The following IL1RAPL1 variants were observed in gnomAD, a reference collection of about 807,000 sequenced individuals.
IL1RAPL1 encodes interleukin 1 receptor accessory protein like 1, also known as interleukin-1 receptor accessory protein-like 1.
Under a neutral mutation model 48.4 loss-of-function variants are expected in IL1RAPL1, and 3 were observed. That is an observed-to-expected ratio of 0.06 (90% CI 0.03 to 0.16). IL1RAPL1 has a LOEUF of 0.16. Ranked by LOEUF, IL1RAPL1 falls within the 10% of genes least tolerant of loss-of-function variation. The pLI is 1.00. For missense variants in IL1RAPL1, 349 were observed against 530.6 expected (o/e 0.66, Z 3.36); for synonymous variants, 185 against 187.7 (o/e 0.99, Z 0.12).
chrX:28,946,560 T>C (rs949265344), intron 2 of IL1RAPL1, among the ~76,000 whole-genome samples: 1 of 111,533 alleles, frequency 9.0e-6, no homozygotes, highest in Non-Finnish European at 1.9e-5. Flanking sequence ...AAATGAGCCA[T>C]AATTATTAAA....
At chrX:29,655,651 C>CAA (rs746998144) in intron 5 of IL1RAPL1, among the ~76,000 whole-genome samples, 43 of 26,660 alleles carry the variant, frequency 1.6e-3, no homozygotes, top group East Asian at 5.6e-3. Flanking sequence ...TGACAGTCTC[C>CAA]AAAAAAAAAA....
chrX:29,373,730 A>G (rs747720280), intron 3 of IL1RAPL1, among the ~76,000 whole-genome samples: 6 of 110,138 alleles, frequency 5.4e-5, no homozygotes, highest in Non-Finnish European at 7.6e-5. Context: ...AATTGCATTT[A>G]TTGATTTTTG....
intron 5 of IL1RAPL1, among the ~76,000 whole-genome samples, chrX:29,434,767 G>C (rs1934462910): frequency 9.0e-6 from 1 of 110,720 alleles, no homozygotes; most frequent in Admixed American, 9.6e-5. Context: ...ATCAATTATT[G>C]TTTTAATTTA....
chrX:28,593,583 C>G, intron 1 of IL1RAPL1, among the ~76,000 whole-genome samples: 1 of 111,164 alleles, frequency 9.0e-6, no homozygotes, highest in East Asian at 2.8e-4. Flanking sequence ...CTAGATTGTA[C>G]GTTGTAACAC....
chrX:28,952,098 C>T (rs1277061862), intron 2 of IL1RAPL1, among the ~76,000 whole-genome samples: 2 of 110,915 alleles, frequency 1.8e-5, no homozygotes, highest in Non-Finnish European at 3.8e-5. Context: ...AGAATTTCCC[C>T]ATACACACTT....
chrX:28,702,277 A>G (rs985491721), intron 1 of IL1RAPL1, among the ~76,000 whole-genome samples: 1 of 112,130 alleles, frequency 8.9e-6, no homozygotes, highest in Admixed American at 9.5e-5. Context: ...ATATTTAGTT[A>G]TTAACTCAGC....
chrX:29,709,506 G>T (rs1209518342), intron 6 of IL1RAPL1, among the ~76,000 whole-genome samples: 1 of 110,623 alleles, frequency 9.0e-6, no homozygotes, highest in African/African-American at 3.3e-5. Flanking sequence ...TGGTCGATGT[G>T]TCTCTTTTTT....
chrX:29,336,545 C>G (rs768882641), intron 3 of IL1RAPL1, among the ~76,000 whole-genome samples: 1 of 109,759 alleles, frequency 9.1e-6, no homozygotes, highest in Non-Finnish European at 1.9e-5. Context: ...GTGGCCAACA[C>G]TCCTATGCCA....
intron 5 of IL1RAPL1, among the ~76,000 whole-genome samples, chrX:29,433,776 TG>T (rs1034031741): frequency 1.8e-5 from 2 of 111,302 alleles, no homozygotes; most frequent in African/African-American, 6.5e-5. Context: ...GTAAGCATAT[TG>T]GCTATTTGCA....
At chrX:29,336,306 T>G (rs202152531) in intron 3 of IL1RAPL1, among the ~76,000 whole-genome samples, 356 of 9,539 alleles carry the variant, frequency 0.037, 5 homozygotes, top group East Asian at 0.11. Flanking sequence ...CGTTTTGGGG[T>G]GTGTGTGTGT....
rs1366985744 is a variant in IL1RAPL1, at chrX:28,619,629, TA to T, written c.-25+31590del. Among the ~76,000 whole-genome samples, 31 of 98,912 alleles carry T rather than the reference TA, an allele frequency of 3.1e-4. 1 individual carries two copies. The East Asian group carries it at 7.6e-3, about 24-fold the overall frequency. 85.9% of individuals were successfully genotyped at this position (98,912 alleles called of 115,157 possible). On this transcript the variant is annotated intron_variant, in intron 1 of 10. Coordinates refer to ENST00000378993, the MANE Select transcript of IL1RAPL1 (RefSeq NM_014271.4). ...CTCCAAAAAAAAAAAAAAAAAAAGA[TA>T]AAAAAAATTGTTTAACTGAGTTGTG...
At chrX:29,032,726 T>C (rs1483368840) in intron 2 of IL1RAPL1, among the ~76,000 whole-genome samples, 1 of 100,791 alleles carries the variant, frequency 9.9e-6, no homozygotes, top group Non-Finnish European at 2.0e-5. Flanking sequence ...TGCATGAGCG[T>C]GCGCTCACGT....
chrX:28,984,925 C>T (rs1925430527), intron 2 of IL1RAPL1, among the ~76,000 whole-genome samples: 1 of 111,982 alleles, frequency 8.9e-6, no homozygotes, highest in African/African-American at 3.3e-5. Flanking sequence ...TTATTGAATG[C>T]TTTGAGTAGT....
chrX:29,144,715 A>AGGCATGT, intron 2 of IL1RAPL1, among the ~76,000 whole-genome samples: 1 of 106,964 alleles, frequency 9.3e-6, no homozygotes, highest in Non-Finnish European at 1.9e-5. Flanking sequence ...CAGAGGAGTA[A>AGGCATGT]GGCATGTTGA....
At chrX:28,624,093 C>T (rs1934313492) in intron 1 of IL1RAPL1, among the ~76,000 whole-genome samples, 1 of 111,679 alleles carries the variant, frequency 9.0e-6, no homozygotes, top group African/African-American at 3.3e-5. Context: ...TCAGTTGCTT[C>T]TCCTCCTTGC....
intron 5 of IL1RAPL1, among the ~76,000 whole-genome samples, chrX:29,540,495 C>A (rs896888791): frequency 1.8e-5 from 2 of 111,692 alleles, no homozygotes; most frequent in Non-Finnish European, 3.8e-5. Flanking sequence ...GCAAAAAGAA[C>A]AAAGCCAGAG....
At chrX:29,899,441 A>T (rs984795202) in intron 6 of IL1RAPL1, among the ~76,000 whole-genome samples, 9 of 111,662 alleles carry the variant, frequency 8.1e-5, no homozygotes, top group African/African-American at 2.6e-4. Flanking sequence ...GACAGGAGAT[A>T]CAGGTTGCAA....
chrX:29,625,527 T>G (rs1924592853), intron 5 of IL1RAPL1, among the ~76,000 whole-genome samples: 1 of 111,951 alleles, frequency 8.9e-6, no homozygotes, highest in African/African-American at 3.2e-5. Flanking sequence ...AAATGTTTGG[T>G]CTTGATTTAG....
At chrX:29,406,897 G>GT (rs1460756766) in intron 5 of IL1RAPL1, among the ~76,000 whole-genome samples, 1 of 111,440 alleles carries the variant, frequency 9.0e-6, no homozygotes, top group Non-Finnish European at 1.9e-5. Context: ...AAGTCATTAC[G>GT]TTTTTTGTTG....
Sources: gnomAD v4.1 joint callset for allele counts (sites outside exome capture counted in the v4.1 genomes callset) on GRCh38, gnomAD v4.1.1 for gene constraint, MANE v1.5 for transcripts, NCBI Gene and HGNC (gene_info 2026-07-23, HGNC 2026-07-21) for gene names.